TBXAS1: variants seen among roughly 807,000 people sequenced by gnomAD.
The protein encoded by TBXAS1 is thromboxane A synthase 1, also known as thromboxane-A synthase.
In TBXAS1, 48 loss-of-function variants were observed where a neutral mutation model predicts 60.7. The observed-to-expected ratio is 0.79, with a 90% CI of 0.63 to 1.01. The LOEUF (loss-of-function observed/expected upper bound fraction) is 1.01. TBXAS1 is among the 50% of genes least tolerant of loss of function. The probability of loss-of-function intolerance (pLI) is 0.00; values close to 1 mark genes in which losing one functional copy is unlikely to be tolerated. For synonymous variants in TBXAS1, 287 were observed against 269.7 expected (o/e 1.06, Z -0.63); for missense variants, 685 against 686.3 (o/e 1.00, Z 0.02).
chr7:139,839,933 G>T (rs1222062787), intron 1 of TBXAS1, among the ~76,000 whole-genome samples: 1 of 140,874 alleles, frequency 7.1e-6, no homozygotes, highest in Admixed American at 7.4e-5. Flanking sequence ...GCAATGAGCC[G>T]AGATCACACC....
chr7:139,824,824 C>CTT (rs55876303), upstream of TBXAS1, among the ~76,000 whole-genome samples: 76,997 of 126,048 alleles, frequency 0.61, 23,345 homozygotes, highest in East Asian at 0.86. Flanking sequence ...TTTTCTTTTC[C>CTT]TTTTCTTTTT....
intron 1 of TBXAS1, among the ~76,000 whole-genome samples, chr7:139,839,270 A>C (rs1426265312): frequency 6.6e-6 from 1 of 152,176 alleles, no homozygotes; most frequent in Non-Finnish European, 1.5e-5. Flanking sequence ...GAGAAATTTT[A>C]CTAAAAAGAG....
intron 5 of TBXAS1, chr7:139,952,574 G>C: frequency 2.0e-6 from 3 of 1,537,236 alleles, no homozygotes; most frequent in Non-Finnish European, 2.6e-6. Context: ...TCATGCAAGA[G>C]AGAATAAAAG....
At chr7:140,008,435 C>A (rs1585048433) in intron 10 of TBXAS1, among the ~76,000 whole-genome samples, 1 of 146,002 alleles carries the variant, frequency 6.8e-6, no homozygotes, top group African/African-American at 2.5e-5. Flanking sequence ...TCATCCAATT[C>A]TTTCTTTTAT....
At chr7:139,840,880 G>A (rs1799391872) in intron 1 of TBXAS1, among the ~76,000 whole-genome samples, 1 of 152,222 alleles carries the variant, frequency 6.6e-6, no homozygotes, top group African/African-American at 2.4e-5. Flanking sequence ...CCATAGGAAT[G>A]CCACAAAAGC....
chr7:139,934,665 AG>A (rs1178799534), intron 4 of TBXAS1, among the ~76,000 whole-genome samples: 10 of 152,228 alleles, frequency 6.6e-5, no homozygotes, highest in African/African-American at 2.4e-4. Context: ...TTTCTCCGGA[AG>A]CCTCTCTCTT....
rs189319698 is a variant in TBXAS1 at position 139,790,107 on chromosome 7, A to C, written c.-80+2681A>C. Among the ~76,000 whole-genome samples, 66 of 152,328 alleles carry C rather than the reference A, an allele frequency of 4.3e-4. No individual in the cohort carries two copies. The Middle Eastern group carries it at 0.014, about 31-fold the overall frequency. On this transcript the variant is annotated intron_variant, in intron 4 of 16. Transcript: ENST00000336425. ...TTCCATTATTTCCTCCTCTCCATAC[A>C]TTATACATACAACAATTTCCCTTTA...
At position 139,799,075 on chromosome 7, in the gene TBXAS1, CTT is replaced by C. The variant is rs59263161; in HGVS notation, c.-80+11666_-80+11667del. On this transcript the variant is annotated intron_variant, in intron 4 of 16. Coordinates refer to the TBXAS1 transcript ENST00000336425. Reference sequence around the variant, plus strand: ...GTCTCTTCTTTACTTCCATACACTGCTTTTTTTTTTTTTTTTTTCCGACAGTC... The same window carrying C: ...GTCTCTTCTTTACTTCCATACACTGCTTTTTTTTTTTTTTTTCCGACAGTC... Among the ~76,000 whole-genome samples, 791 of 118,646 alleles carry C rather than the reference CTT, an allele frequency of 6.7e-3. 5 individuals are homozygous for C. Among genetic ancestry groups the C allele is most frequent in the African/African-American group, 0.02 (595 of 29,816 alleles). 77.8% of individuals were successfully genotyped at this position (118,646 alleles called of 152,430 possible).
At chr7:140,008,432 ATTCT>A (rs1434561862) in intron 10 of TBXAS1, among the ~76,000 whole-genome samples, 1 of 146,910 alleles carries the variant, frequency 6.8e-6, no homozygotes, top group Admixed American at 6.9e-5. Flanking sequence ...CTGTCATCCA[ATTCT>A]TTCTTTTATT....
intron 3 of TBXAS1, among the ~76,000 whole-genome samples, chr7:139,910,463 G>A (rs762820492): frequency 1.3e-5 from 2 of 151,954 alleles, no homozygotes; most frequent in African/African-American, 2.4e-5. Flanking sequence ...AAGGTGAAAC[G>A]CTGTCTCTAC....
chr7:139,916,300 A>G lies in TBXAS1; in HGVS notation c.333+4979A>G, dbSNP rs1805963886. Among the ~76,000 whole-genome samples, 1 of 152,162 alleles carries G rather than the reference A, an allele frequency of 6.6e-6. No individual in the cohort carries two copies. The highest frequency in any genetic ancestry group is 1.5e-5 in the Non-Finnish European group (1 of 68,022). ...TAAGAGGTAAGCCAGTCTTTGGCCCATGTTAGCTTGGTCTGGTCAGATAGG... is the reference window on the plus strand; with the variant it reads ...TAAGAGGTAAGCCAGTCTTTGGCCCGTGTTAGCTTGGTCTGGTCAGATAGG... On this transcript the variant is annotated intron_variant, in intron 4 of 12. Transcript: ENST00000448866. The surrounding 1 kb of genome is among the most constrained non-coding windows in gnomAD (Gnocchi z 4.2).
intron 5 of TBXAS1, among the ~76,000 whole-genome samples, chr7:139,951,828 GAGGAAAGAAAGA>G (rs1809320212): frequency 9.3e-5 from 2 of 21,464 alleles, no homozygotes; most frequent in East Asian, 2.1e-3. Flanking sequence ...AGGAAAGAAA[GAGGAAAGAAAGA>G]AAGAAGGAAG....
intron 9 of TBXAS1, among the ~76,000 whole-genome samples, chr7:139,988,586 G>A (rs557693917): frequency 5.1e-4 from 77 of 152,066 alleles, no homozygotes; most frequent in Non-Finnish European, 1.0e-3. Flanking sequence ...ACTCCCCTCC[G>A]GCTTCTCCTT....
Position 140,020,284 on chromosome 7 carries a change from A to C in TBXAS1, c.*185A>C, listed in dbSNP as rs1314932760. ...TAAACGTTTGTTGCACTTGGTTTTG[A>C]CATTGCCAATGGGGTTTGAACCAGT... On this transcript the variant is annotated 3_prime_UTR_variant, in exon 13 of 13. Transcript: ENST00000448866. The C allele has an allele frequency of 2.8e-6, 2 of 709,496 alleles. No individual in the cohort carries two copies. The allele number at this position is 709,496 out of a possible 1,614,324, so 44.0% of individuals were successfully genotyped here.
At chr7:139,914,618 T>C (rs185490869) in intron 4 of TBXAS1, among the ~76,000 whole-genome samples, 6 of 152,202 alleles carry the variant, frequency 3.9e-5, no homozygotes, top group Admixed American at 3.9e-4. Flanking sequence ...TCCACACCCA[T>C]CCAAACTCTT....
intron 1 of TBXAS1, among the ~76,000 whole-genome samples, chr7:139,834,173 A>G (rs898556789): frequency 2.6e-5 from 4 of 152,252 alleles, no homozygotes; most frequent in Non-Finnish European, 5.9e-5. Context: ...AAAACCATGC[A>G]AACACATGGA....
intron 9 of TBXAS1, among the ~76,000 whole-genome samples, chr7:139,980,915 T>A (rs1016764794): frequency 1.3e-5 from 2 of 151,122 alleles, no homozygotes; most frequent in African/African-American, 2.4e-5. Flanking sequence ...CACAGGCATT[T>A]CTTCCACAAG....
At position 139,970,359 on chromosome 7, in the gene TBXAS1, G is replaced by A. The variant is rs534544403; in HGVS notation, c.1134+8126G>A. 3.3e-5 allele frequency among the ~76,000 whole-genome samples: 5 copies of A among 152,260 alleles called. No homozygotes were observed. In the East Asian group the frequency reaches 5.8e-4, roughly 18 times the overall value. ...TGACCTCAGGTGATCTGCCCGCCTCGGCCTCCCAAAGTGCTGGGATTACAG... is the reference window on the plus strand; with the variant it reads ...TGACCTCAGGTGATCTGCCCGCCTCAGCCTCCCAAAGTGCTGGGATTACAG... On this transcript the variant is annotated intron_variant, in intron 9 of 12. Transcript: ENST00000448866.
intron 1 of TBXAS1, among the ~76,000 whole-genome samples, chr7:139,833,124 G>A (rs1259360029): frequency 2.2e-4 from 34 of 152,118 alleles, no homozygotes; most frequent in Admixed American, 1.5e-3. Context: ...CCCAATGAAT[G>A]CAATGGTACC....
Sources: allele counts gnomAD v4.1 joint callset (sites outside exome capture counted in the v4.1 genomes callset), GRCh38; gene constraint gnomAD v4.1.1; non-coding constraint Gnocchi (gnomAD v3.1); transcripts MANE v1.5; gene names NCBI Gene and HGNC (gene_info 2026-07-23, HGNC 2026-07-21).